The following BRI3 variants were observed in gnomAD, a reference collection of about 807,000 sequenced individuals.
BRI3 encodes brain protein I3.
A neutral mutation model predicts 12.8 loss-of-function variants in BRI3; 6 were observed. That is an observed-to-expected ratio of 0.47 (90% CI 0.26 to 0.93). BRI3 has a LOEUF of 0.93. BRI3 is among the 40% of genes least tolerant of loss of function. The probability of loss-of-function intolerance (pLI) is 0.15; values close to 1 mark genes in which losing one functional copy is unlikely to be tolerated. For missense variants in BRI3, 134 were observed against 171.1 expected, an observed-to-expected ratio of 0.78 and a Z score of 1.21; for synonymous variants, 91 against 76.1, an observed-to-expected ratio of 1.20 and a Z score of -1.02.
In BRI3 at chr7:98,291,308, A is replaced by G. The variant is rs1284954327; in HGVS notation, c.*65A>G. ...TTTTCTAATGTAAATGTTGTGTACA[A>G]TAATTTTATTTGATTAAGCTTCAGG... On this transcript the variant is annotated 3_prime_UTR_variant, in exon 3 of 3. Coordinates refer to ENST00000297290, the MANE Select transcript of BRI3 (RefSeq NM_015379.5). 4 of 1,599,300 alleles carry G rather than the reference A, an allele frequency of 2.5e-6. 1 individual carries two copies. Among genetic ancestry groups the G allele is most frequent in the African/African-American group, 1.3e-5 (1 of 74,434 alleles).
At chr7:98,302,937 A>C (rs1236569359), upstream of BRI3, among the ~76,000 whole-genome samples, 3 of 152,064 alleles carry the variant, frequency 2.0e-5, no homozygotes, top group Non-Finnish European at 4.4e-5. Flanking sequence ...GACATGTGCC[A>C]CCGTACCTGG....
chr7:98,304,052 G>GC, upstream of BRI3: 5 of 803,270 alleles, frequency 6.2e-6, no homozygotes, highest in Non-Finnish European at 7.3e-6. Context: ...ATCAAAGGCA[G>GC]CAAGTCCCCT....
upstream of BRI3, among the ~76,000 whole-genome samples, chr7:98,302,578 G>A (rs1385090550): frequency 6.6e-6 from 1 of 152,068 alleles, no homozygotes; most frequent in Non-Finnish European, 1.5e-5. Flanking sequence ...CAGAAATACA[G>A]GAGACACGGG....
chr7:98,282,022 C>G (rs1799534027), intron 1 of BRI3, 85 bp downstream of exon 1: 8 of 1,306,122 alleles, frequency 6.1e-6, no homozygotes, highest in Non-Finnish European at 7.8e-6. Context: ...GCGGGTGGGG[C>G]CCGCCCGGGG....
At chr7:98,296,298 G>A (rs944851714), downstream of BRI3, among the ~76,000 whole-genome samples, 13 of 152,216 alleles carry the variant, frequency 8.5e-5, no homozygotes, top group Admixed American at 5.9e-4. Context: ...GTGCTTTTCT[G>A]TCTGTGGTAT....
In BRI3 at chr7:98,282,411, C is replaced by G. The variant is rs762898138; in HGVS notation, c.203C>G (p.Pro68Arg). Reference sequence around the variant, plus strand: ...CACAGCCGGACCGTCACCCGCTATCCTGCCAACTCTATCGTGGTCGTAGGA... The same window carrying G: ...CACAGCCGGACCGTCACCCGCTATCGTGCCAACTCTATCGTGGTCGTAGGA... The part of the protein sequence containing the change: ...NIHSRTVTRY[P>R]ANSIVVVGGC... The change falls in exon 2 of 3, where the codon CCT (proline) becomes CGT (arginine). Residue 68 changes from proline (P) to arginine (R), a missense_variant. Transcript: ENST00000297290. 1 of 1,614,120 alleles carries G rather than the reference C, an allele frequency of 6.2e-7. No individual in the cohort carries two copies. The highest frequency in any genetic ancestry group is 1.1e-5 in the South Asian group (1 of 91,082).
In BRI3 at chr7:98,282,387, A is replaced by C. The variant is rs1799553668; in HGVS notation, c.179A>C (p.His60Pro). 6.2e-7 allele frequency: 1 copy of C among 1,614,030 alleles called. No individual in the cohort carries two copies. The highest frequency in any genetic ancestry group is 1.3e-5 in the African/African-American group (1 of 75,034). ...CACCATCCCAGGGTCTACAACATCC[A>C]CAGCCGGACCGTCACCCGCTATCCT... ...PTHHPRVYNI[H>P]SRTVTRYPAN... Residue 60 changes from histidine (H) to proline (P), a missense_variant, in exon 2 of 3, where the codon CAC (histidine) becomes CCC (proline). Coordinates refer to ENST00000297290, the MANE Select transcript of BRI3 (RefSeq NM_015379.5).
At chr7:98,285,921 T>C (rs1799697482) in intron 2 of BRI3, among the ~76,000 whole-genome samples, 1 of 152,110 alleles carries the variant, frequency 6.6e-6, no homozygotes, top group African/African-American at 2.4e-5. Flanking sequence ...GCGTCTCCCC[T>C]TTTCCTGGCG....
At chr7:98,290,759 A>G (rs1205255922) in intron 2 of BRI3, among the ~76,000 whole-genome samples, 1 of 152,214 alleles carries the variant, frequency 6.6e-6, no homozygotes, top group South Asian at 2.1e-4. Context: ...TCCGCCTCCC[A>G]CAGTGCTGGG....
the BRI3 span, among the ~76,000 whole-genome samples, chr7:98,320,454 G>C: frequency 6.6e-6 from 1 of 152,172 alleles, no homozygotes; most frequent in Non-Finnish European, 1.5e-5. Flanking sequence ...TCCTGCCTCA[G>C]CCTCCCAAAT....
chr7:98,308,113 C>T (rs1427741350), exon 2 of BRI3: 6 of 674,584 alleles, frequency 8.9e-6, no homozygotes, highest in African/African-American at 1.8e-5. Context: ...AGGCATGCAC[C>T]GTGCAGAAGA....
chr7:98,283,836 A>G (rs1186627777), intron 2 of BRI3, among the ~76,000 whole-genome samples: 2 of 152,156 alleles, frequency 1.3e-5, no homozygotes, highest in African/African-American at 2.4e-5. Flanking sequence ...TTCTCTGCCC[A>G]AACCCCTGAA....
chr7:98,295,963 C>T (rs1222211068), downstream of BRI3, among the ~76,000 whole-genome samples: 1 of 152,202 alleles, frequency 6.6e-6, no homozygotes, highest in Non-Finnish European at 1.5e-5. Context: ...TGGGGCCCAA[C>T]AATCCTGCTC....
At chr7:98,290,568 G>A (rs904304452) in intron 2 of BRI3, among the ~76,000 whole-genome samples, 4 of 151,612 alleles carry the variant, frequency 2.6e-5, no homozygotes, top group Non-Finnish European at 5.9e-5. Flanking sequence ...GCTTAATCTC[G>A]GCTCACTGCA....
At chr7:98,312,434 C>T (rs1406908694), downstream of BRI3, among the ~76,000 whole-genome samples, 2 of 152,176 alleles carry the variant, frequency 1.3e-5, no homozygotes, top group Admixed American at 1.3e-4. Context: ...TCAGCTGTGT[C>T]TCACCGGCTG....
In BRI3 at chr7:98,281,954, C is replaced by T. The variant is rs1799531091; in HGVS notation, c.142+17C>T. 1.5e-6 allele frequency: 2 copies of T among 1,292,042 alleles called. No individual in the cohort carries two copies. The highest frequency in any genetic ancestry group is 2.4e-5 in the South Asian group (1 of 41,646). 80.0% of individuals were successfully genotyped at this position (1,292,042 alleles called of 1,614,324 possible). A position where few individuals can be genotyped will look rare whatever the true frequency, so the allele number is the denominator to read the frequency against. On this transcript the variant is annotated intron_variant, in intron 1 of 2. Coordinates refer to ENST00000297290, the MANE Select transcript of BRI3 (RefSeq NM_015379.5). ...TCGTCACAGGTGGGCCCGTAACCAA[C>T]TTTCCCCGCCGGCGGCTTCCGAGGT...
chr7:98,305,595 T>C (rs974699477), upstream of BRI3, among the ~76,000 whole-genome samples: 63 of 151,804 alleles, frequency 4.2e-4, no homozygotes, highest in Non-Finnish European at 7.9e-4. Flanking sequence ...TAATTGTTTA[T>C]TTTTTTTGTA....
At chr7:98,318,843 C>G in the BRI3 span, among the ~76,000 whole-genome samples, 3 of 150,384 alleles carry the variant, frequency 2.0e-5, no homozygotes, top group African/African-American at 7.3e-5. Flanking sequence ...AATTGGGAGG[C>G]TGAGGTAGGA....
intron 2 of BRI3, chr7:98,282,701 C>T (rs1799567430): frequency 4.1e-6 from 2 of 487,698 alleles, no homozygotes; most frequent in Non-Finnish European, 7.3e-6. Context: ...GATCTTGGGG[C>T]ATTGCACCCC....
Sources: gnomAD v4.1 joint callset for allele counts (sites outside exome capture counted in the v4.1 genomes callset) on GRCh38, gnomAD v4.1.1 for gene constraint, MANE v1.5 for transcripts, NCBI Gene and HGNC (gene_info 2026-07-23, HGNC 2026-07-21) for gene names.